SEZ6L: variants seen among roughly 807,000 people sequenced by gnomAD.
SEZ6L encodes seizure 6-like protein.
Under a neutral mutation model 106.2 loss-of-function variants are expected in SEZ6L, and 37 were observed. The observed-to-expected ratio is 0.35, with a 90% CI of 0.27 to 0.46. The LOEUF is 0.46. SEZ6L is among the 20% of genes least tolerant of loss of function. The pLI is 1.00. For synonymous variants in SEZ6L, 541 were observed against 570.4 expected (o/e 0.95, Z 0.73); for missense variants, 1,172 against 1,332.8 (o/e 0.88, Z 1.88).
intron 1 of SEZ6L, among the ~76,000 whole-genome samples, chr22:26,270,304 A>C (rs947068139): frequency 2.0e-5 from 3 of 152,170 alleles, no homozygotes; most frequent in Admixed American, 2.0e-4. Context: ...AACACTAGAC[A>C]AGTCACCTTT....
intron 1 of SEZ6L, among the ~76,000 whole-genome samples, chr22:26,213,610 T>G (rs2078221254): frequency 6.6e-6 from 1 of 152,232 alleles, no homozygotes; most frequent in African/African-American, 2.4e-5. Flanking sequence ...ACAAGAAGGA[T>G]TAAACCTTCC....
At chr22:26,341,495 A>G (rs1444245085) in intron 10 of SEZ6L, among the ~76,000 whole-genome samples, 1 of 152,104 alleles carries the variant, frequency 6.6e-6, no homozygotes, top group Non-Finnish European at 1.5e-5. Flanking sequence ...CACGCCCTCC[A>G]TGCCTTCATT....
chr22:26,284,857 C>G (rs1260086141), intron 1 of SEZ6L, among the ~76,000 whole-genome samples: 2 of 151,996 alleles, frequency 1.3e-5, no homozygotes, highest in Non-Finnish European at 2.9e-5. Flanking sequence ...AACTCTACCC[C>G]AGTTTTCTCT....
chr22:26,373,383 G>C, intron 13 of SEZ6L, 68 bp from the exon 14 acceptor site: 1 of 1,378,066 alleles, frequency 7.3e-7, no homozygotes, highest in Admixed American at 2.2e-5. Context: ...CAAATTTTTT[G>C]GCCTCATTTC....
chr22:26,245,399 G>C (rs1488356380), intron 1 of SEZ6L, among the ~76,000 whole-genome samples: 1 of 152,092 alleles, frequency 6.6e-6, no homozygotes, highest in Non-Finnish European at 1.5e-5. Context: ...GGCAGCCCTT[G>C]AATTCCCTTG....
At chr22:26,195,803 A>AT (rs544722217) in intron 1 of SEZ6L, among the ~76,000 whole-genome samples, 2,100 of 151,810 alleles carry the variant, frequency 0.014, 45 homozygotes, top group African/African-American at 0.047. Context: ...ATATATATAT[A>AT]GTTTGTGTGT....
chr22:26,226,810 G>A (rs1020927630), intron 1 of SEZ6L, among the ~76,000 whole-genome samples: 3 of 152,202 alleles, frequency 2.0e-5, no homozygotes, highest in Non-Finnish European at 4.4e-5. Context: ...TTTGAAGAGA[G>A]CAGACTCAAC....
rs570175771 is a variant in SEZ6L at position 26,331,054 on chromosome 22, C to T, written c.2016-9382C>T. Among the ~76,000 whole-genome samples, 200 of 152,298 alleles carry T rather than the reference C, an allele frequency of 1.3e-3. 1 individual carries two copies. The highest frequency in any genetic ancestry group is 4.7e-3 in the African/African-American group (194 of 41,568). On this transcript the variant is annotated intron_variant, in intron 9 of 16. Coordinates refer to ENST00000248933, the MANE Select transcript of SEZ6L (RefSeq NM_021115.5). The stretch of plus-strand genomic sequence containing the variant: ...TCATCATGTCTTTCTATGCCCTCTC[C>T]GGAATATTGACTCTAGCTCAATAGT...
rs529481789 is a variant in SEZ6L, at chr22:26,280,655, A to C, written c.95-11751A>C. On this transcript the variant is annotated intron_variant, in intron 1 of 16. Transcript: ENST00000248933. ...CTCTCCCCACCCCACCCTTATGAGCAAAGAGCTATCATAGTTCAATTCTGA... is the reference window on the plus strand; with the variant it reads ...CTCTCCCCACCCCACCCTTATGAGCCAAGAGCTATCATAGTTCAATTCTGA... Among the ~76,000 whole-genome samples, 4 of 152,260 alleles carry C rather than the reference A, an allele frequency of 2.6e-5. No individual in the cohort carries two copies. The South Asian group carries it at 8.3e-4, about 32-fold the overall frequency.
rs183871706 is a variant in SEZ6L at position 26,231,838 on chromosome 22, A to G, written c.95-60568A>G. On this transcript the variant is annotated intron_variant, in intron 1 of 16. Coordinates refer to ENST00000248933, the MANE Select transcript of SEZ6L (RefSeq NM_021115.5). ...TGACCACTGGTCAAAATCAATTCCA[A>G]CCTAAGTTTGGCCCTTAGCTGTCAC... Among the ~76,000 whole-genome samples the G allele has an allele frequency of 4.6e-3, 706 of 152,090 alleles. 6 individuals carry two copies. Among genetic ancestry groups the G allele is most frequent in the Middle Eastern group, 0.041 (12 of 294 alleles).
chr22:26,377,800 C>G (rs753786570), intron 16 of SEZ6L, 25 bp downstream of exon 16: 13 of 1,481,804 alleles, frequency 8.8e-6, no homozygotes, highest in Non-Finnish European at 1.9e-6. Context: ...CTCGTCTCTT[C>G]CCAATTCCCT....
intron 1 of SEZ6L, among the ~76,000 whole-genome samples, chr22:26,239,345 G>A (rs1220140433): frequency 6.6e-6 from 1 of 152,182 alleles, no homozygotes; most frequent in Non-Finnish European, 1.5e-5. Context: ...TGGTCAAGAA[G>A]CACTTGCCAG....
intron 1 of SEZ6L, among the ~76,000 whole-genome samples, chr22:26,284,661 A>G (rs1054015900): frequency 2.0e-5 from 3 of 151,554 alleles, no homozygotes; most frequent in Non-Finnish European, 2.9e-5. Context: ...CAAGATTACA[A>G]TTAACACTGA....
intron 1 of SEZ6L, among the ~76,000 whole-genome samples, chr22:26,179,065 G>A (rs1939213912): frequency 1.3e-5 from 2 of 152,090 alleles, no homozygotes; most frequent in African/African-American, 4.8e-5. Flanking sequence ...TGAAAGTAGA[G>A]GTCCCATGAA....
chr22:26,189,365 A>C (rs1373191064), intron 1 of SEZ6L, among the ~76,000 whole-genome samples: 1 of 152,186 alleles, frequency 6.6e-6, no homozygotes, highest in Admixed American at 6.5e-5. Context: ...ACAATGCTAC[A>C]CTTAATTCCT....
At chr22:26,369,912 C>A (rs1039193493) in intron 13 of SEZ6L, among the ~76,000 whole-genome samples, 5 of 152,072 alleles carry the variant, frequency 3.3e-5, no homozygotes, top group East Asian at 3.9e-4. Flanking sequence ...CCATCATACC[C>A]GACCTGAATT....
chr22:26,232,329 C>G (rs2078822743), intron 1 of SEZ6L, among the ~76,000 whole-genome samples: 1 of 144,922 alleles, frequency 6.9e-6, no homozygotes, highest in Non-Finnish European at 1.5e-5. Flanking sequence ...CATTAAGTCT[C>G]TCTCTCTCTC....
chr22:26,178,806 G>T (rs947556232), intron 1 of SEZ6L, among the ~76,000 whole-genome samples: 1 of 152,188 alleles, frequency 6.6e-6, no homozygotes, highest in Non-Finnish European at 1.5e-5. Flanking sequence ...CTGAGATGAT[G>T]GGAGTGGGTG....
intron 1 of SEZ6L, among the ~76,000 whole-genome samples, chr22:26,263,795 T>C (rs115439673): frequency 2.9e-3 from 443 of 152,268 alleles, no homozygotes; most frequent in African/African-American, 0.01. Context: ...ATCTCTTCCT[T>C]CTCTCAGCCT....
Sources: allele counts gnomAD v4.1 joint callset (sites outside exome capture counted in the v4.1 genomes callset), GRCh38; gene constraint gnomAD v4.1.1; transcripts MANE v1.5; gene names NCBI Gene and HGNC (gene_info 2026-07-23, HGNC 2026-07-21).